Variants in ZNF347 observed in about 807,000 individuals in gnomAD.
ZNF347 encodes CTD-2620I22.7.
ZNF347 carries 19 observed loss-of-function variants against 12.9 expected under a neutral mutation model. The observed-to-expected ratio is 1.47, with a 90% confidence interval of 1.03 to 2.16. The LOEUF is 2.16. Ranked by LOEUF, ZNF347 falls within the 30% of genes most tolerant of loss-of-function variation. The pLI is 0.00. For missense variants in ZNF347, 1,005 were observed against 990.6 expected, an observed-to-expected ratio of 1.01 and a Z score of -0.19; for synonymous variants, 328 against 340.6, an observed-to-expected ratio of 0.96 and a Z score of 0.41.
intron 1 of ZNF347, among the ~76,000 whole-genome samples, chr19:53,154,430 T>C (rs746069845): frequency 6.6e-6 from 1 of 151,678 alleles, no homozygotes; most frequent in Non-Finnish European, 1.5e-5. Context: ...GGCCTGCAGG[T>C]GACATGAAGC....
In ZNF347 at chr19:53,135,129, A is replaced by C. The variant is rs1285632976; in HGVS notation, c.*5179T>G. 1 of 151,962 alleles carries C rather than the reference A, an allele frequency of 6.6e-6. No homozygotes were observed. Among genetic ancestry groups the C allele is most frequent in the African/African-American group, 2.4e-5 (1 of 41,356 alleles). 9.4% of individuals were successfully genotyped at this position (151,962 alleles called of 1,614,324 possible). On this transcript the variant is annotated 3_prime_UTR_variant, in exon 5 of 5. Transcript: ENST00000334197. Reference sequence around the variant, plus strand: ...TTTGCAACCAGACAACATGGATTCAAATCTCGATTCTGCCTCTTACTGAAA... The same window carrying C: ...TTTGCAACCAGACAACATGGATTCACATCTCGATTCTGCCTCTTACTGAAA...
intron 2 of ZNF347, 121 bp downstream of exon 2, chr19:53,153,611 CG>C: frequency 1.4e-6 from 2 of 1,463,596 alleles, no homozygotes; most frequent in South Asian, 1.1e-5. Context: ...GGAAGGCACG[CG>C]TAAGTGCGAG....
In ZNF347 at chr19:53,136,737, C is replaced by G. The variant is rs376611771; in HGVS notation, c.*3571G>C. 12 of 152,272 alleles carry G rather than the reference C, an allele frequency of 7.9e-5. No individual in the cohort carries two copies. Among genetic ancestry groups the G allele is most frequent in the East Asian group, 7.7e-4 (4 of 5,184 alleles). The allele number at this position is 152,272 out of a possible 1,614,324, so 9.4% of individuals were successfully genotyped here. A position where few individuals can be genotyped will look rare whatever the true frequency, so the allele number is the denominator to read the frequency against. On this transcript the variant is annotated 3_prime_UTR_variant, in exon 5 of 5. Coordinates refer to ENST00000334197, the MANE Select transcript of ZNF347 (RefSeq NM_032584.3). ...TTTCCACAAATTCATTTGCATTGAACTACTGTAAAAATATTTTAGGCAATT... is the reference window on the plus strand; with the variant it reads ...TTTCCACAAATTCATTTGCATTGAAGTACTGTAAAAATATTTTAGGCAATT...
At position 53,140,141 on chromosome 19, in the gene ZNF347, C is replaced by T. The variant is rs888400139; in HGVS notation, c.*167G>A. ...TCTTGAACTCCTGACCTCAGGTGAT[C>T]CACCTGCCTCGGACTCCCAAAGTGT... On this transcript the variant is annotated 3_prime_UTR_variant, in exon 5 of 5. Coordinates refer to ENST00000334197, the MANE Select transcript of ZNF347 (RefSeq NM_032584.3). The T allele has an allele frequency of 3.1e-6, 2 of 637,698 alleles. No individual in the cohort carries two copies. The highest frequency in any genetic ancestry group is 3.3e-5 in the Admixed American group (1 of 30,392). 39.5% of individuals were successfully genotyped at this position (637,698 alleles called of 1,614,324 possible).
At chr19:53,147,713 A>G (rs1247423632) in intron 4 of ZNF347, among the ~76,000 whole-genome samples, 1 of 152,112 alleles carries the variant, frequency 6.6e-6, no homozygotes, top group Non-Finnish European at 1.5e-5. Context: ...AGACAAGGAC[A>G]CCACAACAAA....
chr19:53,142,083 T>A lies in ZNF347; in HGVS notation c.745A>T (p.Thr249Ser), dbSNP rs747594459. The A allele has an allele frequency of 3.1e-6, 5 of 1,612,812 alleles. No individual in the cohort carries two copies. The African/African-American group carries it at 6.7e-5, about 22-fold the overall frequency. Residue 249 changes from threonine (T) to serine (S), a missense_variant, in exon 5 of 5, where the codon ACA becomes TCA. By Grantham distance (58) the Thr-to-Ser change is moderately conservative. Coordinates refer to ENST00000334197, the MANE Select transcript of ZNF347 (RefSeq NM_032584.3). ...LKDFISSLLLTQGQKANNWGS... is the reference protein window; with the variant it reads ...LKDFISSLLLSQGQKANNWGS... ...CAATTATTTGCTTTTTGCCCCTGTG[T>A]GAGTAATAAAGAAGAGATAAAATCT...
In ZNF347 at chr19:53,148,809, C is replaced by G. The variant is rs752762598; in HGVS notation, c.143G>C (p.Gly48Ala). 6.2e-7 allele frequency: 1 copy of G among 1,612,362 alleles called. No homozygotes were observed. The highest frequency in any genetic ancestry group is 1.3e-5 in the African/African-American group (1 of 74,784). ...AATACTGAGGTCAAAACAAGAGATT[C>G]CTGCTTATGAAAAGAAAGGAAAACA... Reference protein sequence around the residue: ...LENYRNLASLGISCFDLSIIS... With the variant: ...LENYRNLASLAISCFDLSIIS... The change falls in exon 4 of 5, where the codon GGA becomes GCA. Residue 48 changes from glycine (G) to alanine (A), a missense_variant and splice_region_variant. Physicochemically the swap from Gly to Ala is moderately conservative, Grantham distance 60. Coordinates refer to ENST00000334197, the MANE Select transcript of ZNF347 (RefSeq NM_032584.3).
chr19:53,141,430 A>G lies in ZNF347; in HGVS notation c.1398T>C (p.Phe466=), dbSNP rs1460769191. Residue 466 remains phenylalanine, a synonymous_variant, in exon 5 of 5, where the codon TTT becomes TTC. Coordinates refer to ENST00000334197, the MANE Select transcript of ZNF347 (RefSeq NM_032584.3). ...PYKCHECGKV[F]RRNSHLARHQ... is the part of the protein sequence containing the mutation. The stretch of plus-strand genomic sequence containing the variant: ...GCCTTGCAAGGTGTGAATTACGCCT[A>G]AAGACCTTGCCGCATTCATGACATT... 7 of 1,613,378 alleles carry G rather than the reference A, an allele frequency of 4.3e-6. No individual in the cohort carries two copies. Among genetic ancestry groups the G allele is most frequent in the South Asian group, 3.3e-5 (3 of 91,038 alleles).
chr19:53,146,137 G>A (rs1271072342), intron 4 of ZNF347, among the ~76,000 whole-genome samples: 5 of 151,824 alleles, frequency 3.3e-5, no homozygotes, highest in African/African-American at 4.8e-5. Flanking sequence ...CCCCACGCCC[G>A]GCTAATTTTG....
In ZNF347 at chr19:53,140,289, T is replaced by A; in HGVS notation, c.*19A>T. ...CTAACTGCAAAAGTTACCACCTTCATTTGTAAGGTTTCTCTCCACTATGAA... is the reference window on the plus strand; with the variant it reads ...CTAACTGCAAAAGTTACCACCTTCAATTGTAAGGTTTCTCTCCACTATGAA... On this transcript the variant is annotated 3_prime_UTR_variant, in exon 5 of 5. Coordinates refer to ENST00000334197, the MANE Select transcript of ZNF347 (RefSeq NM_032584.3). 6.6e-7 allele frequency: 1 copy of A among 1,523,216 alleles called. No homozygotes were observed. Among genetic ancestry groups the A allele is most frequent in the African/African-American group, 1.4e-5 (1 of 71,910 alleles). The allele number at this position is 1,523,216 out of a possible 1,614,324, so 94.4% of individuals were successfully genotyped here.
chr19:53,146,756 T>A (rs933724660), intron 4 of ZNF347, among the ~76,000 whole-genome samples: 5 of 151,746 alleles, frequency 3.3e-5, no homozygotes, highest in African/African-American at 1.2e-4. Flanking sequence ...TACATACAAA[T>A]TTAAAAACCT....
chr19:53,140,959 T>G lies in ZNF347; in HGVS notation c.1869A>C (p.Lys623Asn). The change falls in exon 5 of 5, where the codon AAA (lysine) becomes AAC (asparagine). Residue 623 changes from lysine to asparagine, a missense_variant. Lys to Asn is a moderately conservative substitution (Grantham distance 94). Transcript: ENST00000334197. ...TGCCATACTCATTATACTTGTAAGG[T>G]TTCTCTCCAGTATGAATTCGCTGAT... Reference protein sequence around the residue: ...SRHQRIHTGEKPYKYNEYGKA... With the variant: ...SRHQRIHTGENPYKYNEYGKA... The G allele has an allele frequency of 1.2e-6, 2 of 1,613,048 alleles. No individual in the cohort carries two copies. Among genetic ancestry groups the G allele is most frequent in the South Asian group, 1.1e-5 (1 of 91,036 alleles).
intron 2 of ZNF347, 80 bp downstream of exon 2, chr19:53,153,653 A>G: frequency 1.9e-6 from 3 of 1,568,068 alleles, no homozygotes; most frequent in Admixed American, 3.3e-5. Context: ...CTTCAGACTC[A>G]GAGAAGATTC....
chr19:53,149,108 T>G, intron 3 of ZNF347, 133 bp downstream of exon 3: 1 of 1,522,146 alleles, frequency 6.6e-7, no homozygotes, highest in Non-Finnish European at 8.8e-7. Flanking sequence ...TTCCACATTA[T>G]GGAGATTTTC....
At chr19:53,156,077 C>A (rs868256085) in intron 1 of ZNF347, among the ~76,000 whole-genome samples, 2 of 130,754 alleles carry the variant, frequency 1.5e-5, no homozygotes, top group African/African-American at 3.0e-5. Context: ...GGGGGTCCTA[C>A]AATTTCATTC....
In ZNF347 at chr19:53,142,515, C is replaced by G. The variant is rs1217700955; in HGVS notation, c.313G>C (p.Gly105Arg). 6.2e-7 allele frequency: 1 copy of G among 1,606,902 alleles called. No individual in the cohort carries two copies. The highest frequency in any genetic ancestry group is 8.5e-7 in the Non-Finnish European group (1 of 1,177,470). Reference protein sequence around the residue: ...EFVMKDLLHKGKSNTGEVFQT... With the variant: ...EFVMKDLLHKRKSNTGEVFQT... Reference sequence around the variant, plus strand: ...AATACTTCTCCTGTATTACTCTTCCCTTTGTGTAGTAAATCTTTCATTACA... The same window carrying G: ...AATACTTCTCCTGTATTACTCTTCCGTTTGTGTAGTAAATCTTTCATTACA... Residue 105 changes from glycine to arginine, a missense_variant, in exon 5 of 5, where the codon GGG becomes CGG. Coordinates refer to ENST00000334197, the MANE Select transcript of ZNF347 (RefSeq NM_032584.3).
At position 53,140,001 on chromosome 19, in the gene ZNF347, A is replaced by T; in HGVS notation, c.*307T>A. The T allele has an allele frequency of 4.4e-6, 1 of 227,922 alleles. No individual in the cohort carries two copies. The highest frequency in any genetic ancestry group is 8.6e-6 in the Non-Finnish European group (1 of 116,196). The allele number at this position is 227,922 out of a possible 1,614,324, so 14.1% of individuals were successfully genotyped here. ...CTGCAACCTCCGCCTCCTGGGTTCA[A>T]GTGATTCTCCTGCCTCAGCCTCCTA... is the stretch of plus-strand genomic sequence containing the variant. On this transcript the variant is annotated 3_prime_UTR_variant, in exon 5 of 5. Coordinates refer to ENST00000334197, the MANE Select transcript of ZNF347 (RefSeq NM_032584.3).
At chr19:53,157,522 C>T (rs543878173) in intron 1 of ZNF347, among the ~76,000 whole-genome samples, 1 of 152,228 alleles carries the variant, frequency 6.6e-6, no homozygotes, top group East Asian at 1.9e-4. Flanking sequence ...CCTGTTCTGT[C>T]CCATTCTGGG....
rs2090433073 is a variant in ZNF347 at position 53,142,146 on chromosome 19, A to G, written c.682T>C (p.Tyr228His). Residue 228 changes from tyrosine (Y) to histidine (H), a missense_variant, in exon 5 of 5, where the codon TAT (tyrosine) becomes CAT (histidine). Physicochemically the swap from Tyr to His is moderately conservative, Grantham distance 83 (BLOSUM62 2). Coordinates refer to ENST00000334197, the MANE Select transcript of ZNF347 (RefSeq NM_032584.3). Reference sequence around the variant, plus strand: ...TTAGAAATGTGGGTTTTGACATTATAAGGCATTTGTTGAGGTGGTGAAACT... The same window carrying G: ...TTAGAAATGTGGGTTTTGACATTATGAGGCATTTGTTGAGGTGGTGAAACT... ...SSVSPPQQMP[Y>H]NVKTHISKKY... is the part of the protein sequence containing the mutation. The G allele has an allele frequency of 1.2e-6, 2 of 1,614,046 alleles. No homozygotes were observed. The highest frequency in any genetic ancestry group is 1.7e-6 in the Non-Finnish European group (2 of 1,179,992).
Sources: allele counts gnomAD v4.1 joint callset (sites outside exome capture counted in the v4.1 genomes callset), GRCh38; gene constraint gnomAD v4.1.1; transcripts MANE v1.5; gene names NCBI Gene and HGNC (gene_info 2026-07-23, HGNC 2026-07-21).